GLUD1: variants seen among roughly 807,000 people sequenced by gnomAD.
The protein encoded by GLUD1 is glutamate dehydrogenase 1.
GLUD1 carries 22 observed loss-of-function variants against 56.0 expected under a neutral mutation model. That is an observed-to-expected ratio of 0.39 (90% CI 0.28 to 0.56). GLUD1 has a LOEUF of 0.56. GLUD1 is among the 20% of genes least tolerant of loss of function. The probability of loss-of-function intolerance (pLI) is 0.58; values close to 1 mark genes in which losing one functional copy is unlikely to be tolerated. For synonymous variants in GLUD1, 223 were observed against 269.9 expected, an observed-to-expected ratio of 0.83 and a Z score of 1.70; for missense variants, 451 against 732.0, an observed-to-expected ratio of 0.62 and a Z score of 4.43.
intron 1 of GLUD1, among the ~76,000 whole-genome samples, chr10:87,086,568 A>G (rs1232120556): frequency 6.6e-6 from 1 of 152,130 alleles, no homozygotes; most frequent in Non-Finnish European, 1.5e-5. Flanking sequence ...TCACGCCTGT[A>G]ATCCCAGCAC....
chr10:87,064,640 A>C (rs1026954505), intron 5 of GLUD1, among the ~76,000 whole-genome samples: 1 of 152,222 alleles, frequency 6.6e-6, no homozygotes, highest in Non-Finnish European at 1.5e-5. Flanking sequence ...ACTTAGAATT[A>C]TATTATTTGT....
At chr10:87,068,211 C>T (rs547978223) in intron 4 of GLUD1, 54 bp from the exon 5 acceptor site, 48 of 1,081,706 alleles carry the variant, frequency 4.4e-5, no homozygotes, top group African/African-American at 4.2e-4. Context: ...AAATTCTTCT[C>T]GAACACAAAG....
Position 87,094,075 on chromosome 10 carries a change from G to C in GLUD1, c.445+250C>G. The C allele has an allele frequency of 6.6e-7, 1 of 1,518,654 alleles. No homozygotes were observed. Among genetic ancestry groups the C allele is most frequent in the Non-Finnish European group, 8.8e-7 (1 of 1,136,336 alleles). 94.1% of individuals were successfully genotyped at this position (1,518,654 alleles called of 1,614,324 possible). A position where few individuals can be genotyped will look rare whatever the true frequency, so the allele number is the denominator to read the frequency against. On this transcript the variant is annotated intron_variant, in intron 1 of 12. Coordinates refer to ENST00000277865, the MANE Select transcript of GLUD1 (RefSeq NM_005271.5). The surrounding 1 kb of genome is among the most constrained non-coding windows in gnomAD (Gnocchi z 6.6). ...GGTGCAGCGTCTACTCTGCATGCAA[G>C]ATCAGCATATACAGAGGCCCGGGGT... is the stretch of plus-strand genomic sequence containing the variant.
At chr10:87,056,292 C>CTTTT (rs556387150) in intron 11 of GLUD1, among the ~76,000 whole-genome samples, 3 of 135,286 alleles carry the variant, frequency 2.2e-5, no homozygotes, top group Non-Finnish European at 4.8e-5. Flanking sequence ...TACACCGTTT[C>CTTTT]TTTTTTTTTT....
In GLUD1 at chr10:87,092,079, AAAG is replaced by A. The variant is rs199722096; in HGVS notation, c.445+2243_445+2245del. Among the ~76,000 whole-genome samples the A allele has an allele frequency of 7.4e-3, 1,129 of 152,308 alleles. 15 individuals are homozygous for A. The highest frequency in any genetic ancestry group is 0.025 in the African/African-American group (1,052 of 41,566). On this transcript the variant is annotated intron_variant, in intron 1 of 12. Coordinates refer to ENST00000277865, the MANE Select transcript of GLUD1 (RefSeq NM_005271.5). The stretch of plus-strand genomic sequence containing the variant: ...TCTTAGACGTTAAAAAAGCTTTAAG[AAAG>A]AAGACCTGTCTCTCTTACAATGCAC...
intron 3 of GLUD1, 38 bp from the exon 4 acceptor site, chr10:87,074,652 A>G: frequency 1.7e-6 from 2 of 1,182,814 alleles, no homozygotes; most frequent in East Asian, 4.7e-5. Flanking sequence ...GAAAAAATTG[A>G]TATAAAAATC....
rs1348103703 is a variant in GLUD1, at chr10:87,081,422, A to G, written c.446-4766T>C. On this transcript the variant is annotated intron_variant, in intron 1 of 12. Coordinates refer to ENST00000277865, the MANE Select transcript of GLUD1 (RefSeq NM_005271.5). ...TGGGAAGTGAGGAGCCCCTCTGCCCAGCCACCACCCCATCTGGGAGGTGTG... is the reference window on the plus strand; with the variant it reads ...TGGGAAGTGAGGAGCCCCTCTGCCCGGCCACCACCCCATCTGGGAGGTGTG... Among the ~76,000 whole-genome samples the G allele has an allele frequency of 4.9e-4, 74 of 152,032 alleles. 4 individuals are homozygous for G. In the South Asian group the frequency reaches 0.015, roughly 30 times the overall value.
At position 87,094,394 on chromosome 10, in the gene GLUD1, C is replaced by A; in HGVS notation, c.376G>T (p.Asp126Tyr). 1 of 1,613,326 alleles carries A rather than the reference C, an allele frequency of 6.2e-7. No homozygotes were observed. The highest frequency in any genetic ancestry group is 8.5e-7 in the Non-Finnish European group (1 of 1,179,874). ...CCTTCGATGACCTCCCAGGAGCCGT[C>A]GTCGCGCCGGATGGGGAAGGAGAGA... ...LSLSFPIRRD[D>Y]GSWEVIEGYR... The change falls in exon 1 of 13, where the codon GAC becomes TAC. Residue 126 changes from aspartate (D) to tyrosine (Y), a missense_variant. This residue lies in a region of GLUD1 where 158 missense variants were observed against 189.7 expected (regional missense o/e 0.83). Transcript: ENST00000277865. The surrounding 1 kb of genome is among the most constrained non-coding windows in gnomAD (Gnocchi z 6.6).
At chr10:87,060,093 C>T in intron 9 of GLUD1, 68 bp downstream of exon 9, 1 of 1,032,766 alleles carries the variant, frequency 9.7e-7, no homozygotes, top group South Asian at 1.3e-5. Flanking sequence ...TCTCTTCCTC[C>T]AAATTCCTTG....
chr10:87,061,929 G>A (rs1463562579), intron 6 of GLUD1, among the ~76,000 whole-genome samples: 2 of 151,868 alleles, frequency 1.3e-5, no homozygotes, highest in African/African-American at 2.4e-5. Context: ...GACTACAGGC[G>A]TGTACCACCA....
intron 1 of GLUD1, among the ~76,000 whole-genome samples, chr10:87,086,858 AATT>A (rs1368555462): frequency 1.6e-4 from 24 of 151,976 alleles, no homozygotes; most frequent in Non-Finnish European, 3.2e-4. Flanking sequence ...AAAAGGAAAA[AATT>A]GTTTTTTCTC....
intron 1 of GLUD1, among the ~76,000 whole-genome samples, chr10:87,080,797 G>A (rs1431405706): frequency 6.6e-6 from 1 of 151,632 alleles, no homozygotes; most frequent in African/African-American, 2.4e-5. Flanking sequence ...ACCCCATCTG[G>A]GAAGTGAGGA....
At chr10:87,088,400 CA>C (rs936921509) in intron 1 of GLUD1, among the ~76,000 whole-genome samples, 16 of 151,876 alleles carry the variant, frequency 1.1e-4, no homozygotes, top group African/African-American at 3.9e-4. Flanking sequence ...CCTGCAGGAA[CA>C]AAAAACACAT....
At position 87,059,136 on chromosome 10, in the gene GLUD1, T is replaced by C; in HGVS notation, c.1402+14A>G. On this transcript the variant is annotated intron_variant, in intron 10 of 12. Coordinates refer to ENST00000277865, the MANE Select transcript of GLUD1 (RefSeq NM_005271.5). ...AAAAGATGAGTTTTGGCGAACAAGA[T>C]TATCGATACTCACTGAGCAAGTGGT... is the stretch of plus-strand genomic sequence containing the variant. 3 of 1,612,292 alleles carry C rather than the reference T, an allele frequency of 1.9e-6. No individual in the cohort carries two copies. The highest frequency in any genetic ancestry group is 2.5e-6 in the Non-Finnish European group (3 of 1,179,928).
chr10:87,053,174 T>C (rs781416647), intron 12 of GLUD1, among the ~76,000 whole-genome samples, 168 bp downstream of exon 12: 1 of 152,186 alleles, frequency 6.6e-6, no homozygotes, highest in Non-Finnish European at 1.5e-5. Context: ...CTCTAAAAAA[T>C]TGCTTATCAT....
intron 11 of GLUD1, among the ~76,000 whole-genome samples, chr10:87,055,371 T>C (rs1348946302): frequency 2.0e-5 from 3 of 152,010 alleles, no homozygotes; most frequent in Non-Finnish European, 4.4e-5. Flanking sequence ...ATGTGGGTCC[T>C]GATAGTGCCA....
rs1841642274 is a variant in GLUD1 at position 87,094,190 on chromosome 10, G to T, written c.445+135C>A. The T allele has an allele frequency of 2.2e-6, 3 of 1,387,718 alleles. No homozygotes were observed. Among genetic ancestry groups the T allele is most frequent in the African/African-American group, 1.5e-5 (1 of 68,928 alleles). 86.0% of individuals were successfully genotyped at this position (1,387,718 alleles called of 1,614,324 possible). A position where few individuals can be genotyped will look rare whatever the true frequency, so the allele number is the denominator to read the frequency against. On this transcript the variant is annotated intron_variant, in intron 1 of 12. Transcript: ENST00000277865. The surrounding 1 kb of genome is among the most constrained non-coding windows in gnomAD (Gnocchi z 6.6). The stretch of plus-strand genomic sequence containing the variant: ...CAGAGCCGGCCACATCCGAGGCGGG[G>T]TGACCCGGGCGGGGACCCGGCCCGC...
chr10:87,050,528 G>A lies in GLUD1; in HGVS notation c.*1223C>T, dbSNP rs534100218. 109 of 151,754 alleles carry A rather than the reference G, an allele frequency of 7.2e-4. No individual in the cohort carries two copies. Among genetic ancestry groups the A allele is most frequent in the African/African-American group, 2.6e-3 (107 of 41,350 alleles). The allele number at this position is 151,754 out of a possible 1,614,324, so 9.4% of individuals were successfully genotyped here. On this transcript the variant is annotated 3_prime_UTR_variant, in exon 13 of 13. Coordinates refer to ENST00000277865, the MANE Select transcript of GLUD1 (RefSeq NM_005271.5). ...TTTTAATAACTGCTTTTATCACCAG[G>A]TTAAGCCATGCAGTTACAAAGTAGT...
At chr10:87,062,061 C>T (rs113786916) in intron 6 of GLUD1, among the ~76,000 whole-genome samples, 6,717 of 152,152 alleles carry the variant, frequency 0.044, 384 homozygotes, top group Admixed American at 0.12. Context: ...GGATTACAGG[C>T]GTGAGCCACC....
Sources: gnomAD v4.1 joint callset for allele counts (sites outside exome capture counted in the v4.1 genomes callset) on GRCh38, gnomAD v4.1.1 for gene constraint, gnomAD v4.1.1 regional missense constraint, Gnocchi (gnomAD v3.1) non-coding constraint, MANE v1.5 for transcripts, NCBI Gene and HGNC (gene_info 2026-07-23, HGNC 2026-07-21) for gene names.